Variants in FBXW7 observed in about 807,000 individuals in gnomAD.
FBXW7 encodes F-box and WD repeat domain containing 7.
A neutral mutation model predicts 86.3 loss-of-function variants in FBXW7; 11 were observed. The ratio of observed to expected loss-of-function variants is 0.13; its 90% CI spans 0.08 to 0.21. The LOEUF (loss-of-function observed/expected upper bound fraction) is 0.21. Among genes scored for constraint, FBXW7 ranks in the 10% least tolerant of loss-of-function variants. The pLI is 1.00. For missense variants in FBXW7, 488 were observed against 847.4 expected (o/e 0.58, Z 5.27); for synonymous variants, 313 against 297.9 (o/e 1.05, Z -0.52).
At chr4:152,325,975 G>A (rs762792259) in intron 12 of FBXW7, 31 bp downstream of exon 12, 2 of 1,558,660 alleles carry the variant, frequency 1.3e-6, no homozygotes, top group Non-Finnish European at 1.8e-6. Flanking sequence ...TTCATCAGGA[G>A]AGCATTTAAG....
chr4:152,404,912 G>A (rs936255061), intron 4 of FBXW7, among the ~76,000 whole-genome samples: 1 of 151,904 alleles, frequency 6.6e-6, no homozygotes, highest in African/African-American at 2.4e-5. Context: ...GGGCAACATA[G>A]TAAGACCTTG....
intron 6 of FBXW7, among the ~76,000 whole-genome samples, chr4:152,339,552 A>G (rs1362595130): frequency 6.6e-6 from 1 of 152,196 alleles, no homozygotes; most frequent in East Asian, 1.9e-4. Flanking sequence ...TTTTGATAAT[A>G]TGCTATACCT....
chr4:152,349,002 T>C (rs760827986), intron 5 of FBXW7, among the ~76,000 whole-genome samples: 3 of 152,108 alleles, frequency 2.0e-5, no homozygotes, highest in Non-Finnish European at 4.4e-5. Flanking sequence ...ACTTTTTGAA[T>C]GTAAGACTAT....
At chr4:152,405,527 T>C (rs1306789158) in intron 4 of FBXW7, among the ~76,000 whole-genome samples, 4 of 152,216 alleles carry the variant, frequency 2.6e-5, no homozygotes, top group Non-Finnish European at 4.4e-5. Flanking sequence ...GGGCACCAGA[T>C]ATCTGTATTG....
At chr4:152,494,284 G>A (rs150467862) in intron 2 of FBXW7, among the ~76,000 whole-genome samples, 2 of 152,302 alleles carry the variant, frequency 1.3e-5, no homozygotes, top group African/African-American at 4.8e-5. Context: ...GTTGCACCAA[G>A]TACTCCGGTT....
chr4:152,333,254 A>G (rs982858923), intron 7 of FBXW7, among the ~76,000 whole-genome samples: 1 of 152,148 alleles, frequency 6.6e-6, no homozygotes, highest in African/African-American at 2.4e-5. Context: ...ACTGTAAATG[A>G]CAAAGGGGGA....
chr4:152,448,978 T>A lies in FBXW7; in HGVS notation c.-119-36449A>T, dbSNP rs1290285696. Among the ~76,000 whole-genome samples the A allele has an allele frequency of 2.0e-5, 3 of 152,138 alleles. No individual in the cohort carries two copies. The East Asian group carries it at 5.8e-4, about 29-fold the overall frequency. On this transcript the variant is annotated intron_variant, in intron 2 of 13. Transcript: ENST00000281708. ...CTTCAGCTCAGCCTATCCAACCTGT[T>A]CCCTCTGTAAATGCACACGATTTCA... is the stretch of plus-strand genomic sequence containing the variant.
At chr4:152,472,199 T>C (rs1289613868) in intron 2 of FBXW7, among the ~76,000 whole-genome samples, 1 of 152,062 alleles carries the variant, frequency 6.6e-6, no homozygotes, top group African/African-American at 2.4e-5. Context: ...CAGGTAAAAA[T>C]GTATAATAAT....
intron 2 of FBXW7, among the ~76,000 whole-genome samples, chr4:152,484,173 T>C (rs1442114660): frequency 6.6e-6 from 1 of 152,182 alleles, no homozygotes; most frequent in Non-Finnish European, 1.5e-5. Context: ...TTAAAATTTA[T>C]TACTACTTAT....
At position 152,471,697 on chromosome 4, in the gene FBXW7, G is replaced by A. The variant is rs964022662; in HGVS notation, c.-119-59168C>T. 7.2e-5 allele frequency among the ~76,000 whole-genome samples: 11 copies of A among 151,906 alleles called. 1 individual carries two copies. The highest frequency in any genetic ancestry group is 1.5e-4 in the Non-Finnish European group (10 of 67,964). The stretch of plus-strand genomic sequence containing the variant: ...GAGGACTGCTTGAGGCCAGGAGTCC[G>A]AGATTAGTGTGGGCAACATAGTGAG... On this transcript the variant is annotated intron_variant, in intron 2 of 13. Transcript: ENST00000281708.
chr4:152,505,824 C>T (rs1269736891), intron 2 of FBXW7, among the ~76,000 whole-genome samples: 1 of 151,824 alleles, frequency 6.6e-6, no homozygotes, highest in Non-Finnish European at 1.5e-5. Context: ...TCACTGCTAC[C>T]TCTGCCTCCC....
chr4:152,501,280 A>G (rs1746925043), intron 2 of FBXW7, among the ~76,000 whole-genome samples: 1 of 152,340 alleles, frequency 6.6e-6, no homozygotes, highest in Non-Finnish European at 1.5e-5. Flanking sequence ...AATTCTCTCA[A>G]GACAAGTTCC....
intron 4 of FBXW7, among the ~76,000 whole-genome samples, chr4:152,353,915 T>C (rs1732109114): frequency 6.6e-6 from 1 of 152,178 alleles, no homozygotes. Context: ...AAGTAAATTG[T>C]GTGCCTATAG....
At chr4:152,445,948 G>C (rs1000321211) in intron 2 of FBXW7, among the ~76,000 whole-genome samples, 1 of 115,334 alleles carries the variant, frequency 8.7e-6, no homozygotes, top group African/African-American at 2.8e-5. Context: ...AAAAACCAAA[G>C]TGCTTAGTAC....
chr4:152,332,540 G>C (rs2126546782), intron 8 of FBXW7, 56 bp downstream of exon 8: 4 of 1,416,520 alleles, frequency 2.8e-6, no homozygotes, highest in Non-Finnish European at 1.9e-6. Context: ...CTTGTTTTCA[G>C]AATCACTCTG....
chr4:152,448,513 G>C (rs1325270579), intron 2 of FBXW7, among the ~76,000 whole-genome samples: 3 of 152,158 alleles, frequency 2.0e-5, no homozygotes, highest in Admixed American at 2.0e-4. Context: ...ATGGCTACAA[G>C]AGAACAAATC....
chr4:152,450,152 A>G (rs193120975), intron 2 of FBXW7, among the ~76,000 whole-genome samples: 98 of 152,358 alleles, frequency 6.4e-4, no homozygotes, highest in African/African-American at 2.2e-3. Flanking sequence ...TGTTATACTT[A>G]AATCAATTTC....
chr4:152,500,747 A>G (rs988097536), intron 2 of FBXW7, among the ~76,000 whole-genome samples: 1 of 152,150 alleles, frequency 6.6e-6, no homozygotes, highest in Admixed American at 6.5e-5. Flanking sequence ...TTGAAGTACT[A>G]TGTGTCCGCA....
At chr4:152,340,246 CT>C (rs1730584934) in intron 6 of FBXW7, among the ~76,000 whole-genome samples, 1 of 152,210 alleles carries the variant, frequency 6.6e-6, no homozygotes, top group South Asian at 2.1e-4. Flanking sequence ...TATCTATATA[CT>C]CAGCAGATGT....
Sources: allele counts gnomAD v4.1 joint callset (sites outside exome capture counted in the v4.1 genomes callset), GRCh38; gene constraint gnomAD v4.1.1; transcripts MANE v1.5; gene names NCBI Gene and HGNC (gene_info 2026-07-23, HGNC 2026-07-21).